The following GRIN1 variants were observed in gnomAD, a reference collection of about 807,000 sequenced individuals.
GRIN1 encodes the protein glutamate receptor ionotropic, NMDA 1.
A neutral mutation model predicts 103.0 loss-of-function variants in GRIN1; 38 were observed. That is an observed-to-expected ratio of 0.37 (90% confidence interval 0.28 to 0.48). The LOEUF (loss-of-function observed/expected upper bound fraction) is 0.48, where lower values mean the gene tolerates loss of function less well. Among genes scored for constraint, GRIN1 ranks in the 20% least tolerant of loss-of-function variants. GRIN1 has a pLI of 0.98. For synonymous variants in GRIN1, 544 were observed against 532.7 expected (o/e 1.02, Z -0.29); for missense variants, 577 against 1,288.9 (o/e 0.45, Z 8.46).
At chr9:137,167,165 T>C (rs970861957) in intron 19 of GRIN1, among the ~76,000 whole-genome samples, 4 of 151,554 alleles carry the variant, frequency 2.6e-5, no homozygotes, top group Admixed American at 1.3e-4. Flanking sequence ...TGGGGGGCAC[T>C]GCCAGCTGGG....
chr9:137,143,451 C>T (rs1353452572), intron 2 of GRIN1, among the ~76,000 whole-genome samples: 2 of 152,380 alleles, frequency 1.3e-5, no homozygotes, highest in Admixed American at 1.3e-4. Context: ...TCCTTCGCCT[C>T]TCTGGGCACC....
rs1432031252 is a variant in GRIN1 at position 137,167,824 on chromosome 9, G to T, written c.*297G>T. 6.2e-7 allele frequency: 1 copy of T among 1,612,204 alleles called. No individual in the cohort carries two copies. The highest frequency in any genetic ancestry group is 8.5e-7 in the Non-Finnish European group (1 of 1,179,634). ...GCCCGCTCAACCTCTCAGATCCCTCGGTCAGCACCGTGGTGTGAGGCCCCC... is the reference window on the plus strand; with the variant it reads ...GCCCGCTCAACCTCTCAGATCCCTCTGTCAGCACCGTGGTGTGAGGCCCCC... On this transcript the variant is annotated 3_prime_UTR_variant, in exon 20 of 20. Coordinates refer to ENST00000371561, the MANE Select transcript of GRIN1 (RefSeq NM_007327.4).
In GRIN1 at chr9:137,150,201, C is replaced by G. The variant is rs145060583; in HGVS notation, c.671+1092C>G. On this transcript the variant is annotated intron_variant, in intron 4 of 19. Coordinates refer to ENST00000371561, the MANE Select transcript of GRIN1 (RefSeq NM_007327.4). ...CTTGTCCACTCCACTCATCCAACTG[C>G]AAGCCCCAGGGAGGGTTGGCCTGGG... Among the ~76,000 whole-genome samples the G allele has an allele frequency of 1.5e-3, 226 of 152,310 alleles. 4 individuals are homozygous for G. In the East Asian group the frequency reaches 0.037, roughly 25 times the overall value.
Position 137,168,065 on chromosome 9 carries a change from G to A in GRIN1, c.*538G>A. On this transcript the variant is annotated 3_prime_UTR_variant, in exon 20 of 20. Transcript: ENST00000371561. ...GGGCAGAGCTGAGTCGGCTGGGCAG[G>A]GCCGCAGGGCGCTCCGGCAGAGGCA... The A allele has an allele frequency of 1.7e-6, 1 of 599,516 alleles. No individual in the cohort carries two copies. Among genetic ancestry groups the A allele is most frequent in the South Asian group, 2.0e-5 (1 of 50,398 alleles). The allele number at this position is 599,516 out of a possible 1,614,324, so 37.1% of individuals were successfully genotyped here.
chr9:137,151,496 A>G (rs1356242468), intron 4 of GRIN1, among the ~76,000 whole-genome samples: 1 of 151,226 alleles, frequency 6.6e-6, no homozygotes, highest in East Asian at 1.9e-4. Flanking sequence ...GCCCAGGGAA[A>G]GCTTCACCCA....
Position 137,167,722 on chromosome 9 carries a change from G to GC in GRIN1, c.*200dup. 6.2e-7 allele frequency: 1 copy of GC among 1,609,374 alleles called. No individual in the cohort carries two copies. Among genetic ancestry groups the GC allele is most frequent in the South Asian group, 1.1e-5 (1 of 90,928 alleles). On this transcript the variant is annotated 3_prime_UTR_variant, in exon 20 of 20. Coordinates refer to ENST00000371561, the MANE Select transcript of GRIN1 (RefSeq NM_007327.4). ...TCCACCCCGTCCCGGCCCCGCGCGT[G>GC]CCCCCAGCGTGGGGCTAACGGGCGC...
Position 137,168,725 on chromosome 9 carries a change from T to C in GRIN1, c.*1198T>C. On this transcript the variant is annotated 3_prime_UTR_variant, in exon 20 of 20. Transcript: ENST00000371561. The stretch of plus-strand genomic sequence containing the variant: ...CGCCCAACCCCCACCTCCCGGTGTA[T>C]GCAGTGGTGATGCCTAAAGGAATGT... 1 of 658,934 alleles carries C rather than the reference T, an allele frequency of 1.5e-6. No individual in the cohort carries two copies. Among genetic ancestry groups the C allele is most frequent in the Non-Finnish European group, 2.1e-6 (1 of 476,062 alleles). 40.8% of individuals were successfully genotyped at this position (658,934 alleles called of 1,614,324 possible).
In GRIN1 at chr9:137,156,327, G is replaced by C. The variant is rs982493689; in HGVS notation, c.672-342G>C. On this transcript the variant is annotated intron_variant, in intron 4 of 19. Coordinates refer to ENST00000371561, the MANE Select transcript of GRIN1 (RefSeq NM_007327.4). ...GAAGGAAGTCAGTCCCATAAGCCAG[G>C]TATCTAACCCCATCCCTGCTCCCCC... Among the ~76,000 whole-genome samples the C allele has an allele frequency of 2.6e-5, 4 of 152,026 alleles. 1 individual carries two copies. The highest frequency in any genetic ancestry group is 9.7e-5 in the African/African-American group (4 of 41,394).
At chr9:137,167,068 C>CTCTCTGGGCACCAGGGACCGT (rs1403428932) in intron 19 of GRIN1, among the ~76,000 whole-genome samples, 1 of 152,170 alleles carries the variant, frequency 6.6e-6, no homozygotes. Flanking sequence ...TCACCCGAGC[C>CTCTCTGGGCACCAGGGACCGT]TCTCTGGGCA....
At chr9:137,149,641 T>C (rs1221878349) in intron 4 of GRIN1, among the ~76,000 whole-genome samples, 1 of 152,180 alleles carries the variant, frequency 6.6e-6, no homozygotes, top group Non-Finnish European at 1.5e-5. Flanking sequence ...AGAGCAACCT[T>C]GGGGTGGAGC....
At chr9:137,147,937 C>G (rs1171191479) in intron 3 of GRIN1, among the ~76,000 whole-genome samples, 9 of 152,154 alleles carry the variant, frequency 5.9e-5, no homozygotes, top group Admixed American at 5.2e-4. Context: ...AGCTTCGTGG[C>G]AGGGAGCCTC....
chr9:137,157,766 G>A (rs961362162), intron 6 of GRIN1, among the ~76,000 whole-genome samples: 1 of 152,170 alleles, frequency 6.6e-6, no homozygotes, highest in African/African-American at 2.4e-5. Context: ...CATCCACAAC[G>A]CCCACATAAG....
Position 137,156,645 on chromosome 9 carries a change from C to T in GRIN1, c.672-24C>T, listed in dbSNP as rs746636747. On this transcript the variant is annotated intron_variant, in intron 4 of 19. Coordinates refer to ENST00000371561, the MANE Select transcript of GRIN1 (RefSeq NM_007327.4). ...GCGGTGGGAGTGCTGGAGTCCTGGCCCGTCATCCCCGTCTGCCCCACAGCG... is the reference window on the plus strand; with the variant it reads ...GCGGTGGGAGTGCTGGAGTCCTGGCTCGTCATCCCCGTCTGCCCCACAGCG... The T allele has an allele frequency of 8.1e-6, 13 of 1,596,604 alleles. No individual in the cohort carries two copies. The Admixed American group carries it at 2.1e-4, about 25-fold the overall frequency.
chr9:137,165,844 T>A (rs1470784982), intron 19 of GRIN1, among the ~76,000 whole-genome samples: 3 of 152,228 alleles, frequency 2.0e-5, no homozygotes. Context: ...CTCACCTGTC[T>A]CACCAGAGCC....
chr9:137,161,856 T>G (rs1302335341), intron 10 of GRIN1, 68 bp from the exon 11 acceptor site: 9 of 1,506,894 alleles, frequency 6.0e-6, no homozygotes, highest in Non-Finnish European at 7.2e-6. Context: ...GCGGCTTCAG[T>G]CGGGGGTACC....
At position 137,161,155 on chromosome 9, in the gene GRIN1, A is replaced by C; in HGVS notation, c.1297A>C (p.Lys433Gln). The C allele has an allele frequency of 6.2e-7, 1 of 1,612,406 alleles. No homozygotes were observed. The highest frequency in any genetic ancestry group is 1.6e-4 in the Middle Eastern group (1 of 6,062). ...EFTVNGDPVK[K>Q]VICTGPNDTS... The stretch of plus-strand genomic sequence containing the variant: ...CACAGTCAACGGCGACCCAGTCAAG[A>C]AGGTGATCTGCACCGGGCCCAACGA... Residue 433 changes from lysine (K) to glutamine (Q), a missense_variant, in exon 9 of 20, where the codon AAG becomes CAG. Transcript: ENST00000371561.
chr9:137,153,204 A>G (rs1352141707), intron 4 of GRIN1, among the ~76,000 whole-genome samples: 3 of 151,944 alleles, frequency 2.0e-5, no homozygotes, highest in African/African-American at 7.3e-5. Context: ...CAGGTCACAC[A>G]CAACACATAC....
intron 8 of GRIN1, among the ~76,000 whole-genome samples, chr9:137,159,067 C>A (rs1196641139): frequency 6.6e-6 from 1 of 152,108 alleles, no homozygotes; most frequent in South Asian, 2.1e-4. Flanking sequence ...TCCTCCACAC[C>A]CCTCATCCCT....
Position 137,158,622 on chromosome 9 carries a change from T to G in GRIN1, c.1115T>G (p.Val372Gly), listed in dbSNP as rs1833365462. 1 of 1,612,334 alleles carries G rather than the reference T, an allele frequency of 6.2e-7. No homozygotes were observed. Among genetic ancestry groups the G allele is most frequent in the Admixed American group, 1.7e-5 (1 of 59,988 alleles). The change falls in exon 8 of 20, where the codon GTC becomes GGC. Residue 372 changes from valine to glycine, a missense_variant and splice_region_variant. Coordinates refer to ENST00000371561, the MANE Select transcript of GRIN1 (RefSeq NM_007327.4). ...VQVGIYNGTH[V>G]IPNDRKIIWP... ...TCCATCTCATACTCCCACCCCCAGGTCATCCCTAATGACAGGAAGATCATC... is the reference window on the plus strand; with the variant it reads ...TCCATCTCATACTCCCACCCCCAGGGCATCCCTAATGACAGGAAGATCATC...
Sources: gnomAD v4.1 joint callset for allele counts (sites outside exome capture counted in the v4.1 genomes callset) on GRCh38, gnomAD v4.1.1 for gene constraint, MANE v1.5 for transcripts, NCBI Gene and HGNC (gene_info 2026-07-23, HGNC 2026-07-21) for gene names.